Variants in DRC11 observed in about 807,000 individuals in gnomAD.
DRC11 encodes IQ and AAA domain-containing protein 1.
At chr2:236,481,236 G>A in the DRC11 span, among the ~76,000 whole-genome samples, 1 of 152,210 alleles carries the variant, frequency 6.6e-6, no homozygotes, top group Non-Finnish European at 1.5e-5. Context: ...TATCCTTACA[G>A]ATACTCATGA....
the DRC11 span, among the ~76,000 whole-genome samples, chr2:236,371,942 C>T: frequency 6.6e-6 from 1 of 152,140 alleles, no homozygotes; most frequent in African/African-American, 2.4e-5. This position sits in a 1 kb window ranked among gnomAD's most constrained non-coding sequence, Gnocchi z 5.1. Flanking sequence ...ATCTCTTTTA[C>T]ACAGATACCC....
chr2:236,405,214 T>TC, the DRC11 span, among the ~76,000 whole-genome samples: 2 of 152,134 alleles, frequency 1.3e-5, no homozygotes, highest in Non-Finnish European at 2.9e-5. The surrounding 1 kb of genome is among the most constrained non-coding windows in gnomAD (Gnocchi z 4.6). Flanking sequence ...TATTCATGCC[T>TC]CCGCCATTTT....
At chr2:236,503,479 C>T in the DRC11 span, among the ~76,000 whole-genome samples, 8 of 152,194 alleles carry the variant, frequency 5.3e-5, no homozygotes, top group South Asian at 1.7e-3. The surrounding 1 kb of genome is among the most constrained non-coding windows in gnomAD (Gnocchi z 4.9). Flanking sequence ...CAAAGACAGT[C>T]CTGGTGGCTT....
chr2:236,435,099 T>C, the DRC11 span, among the ~76,000 whole-genome samples: 2 of 152,150 alleles, frequency 1.3e-5, no homozygotes, highest in Non-Finnish European at 2.9e-5. Context: ...CCTGTGTGCT[T>C]AACTCTGAGG....
At chr2:236,435,615 G>A in the DRC11 span, among the ~76,000 whole-genome samples, 1 of 152,164 alleles carries the variant, frequency 6.6e-6, no homozygotes, top group African/African-American at 2.4e-5. Context: ...GAAAAAGAGA[G>A]AGCACAAAGG....
chr2:236,363,486 C>T, the DRC11 span, among the ~76,000 whole-genome samples: 5 of 151,976 alleles, frequency 3.3e-5, no homozygotes, highest in East Asian at 1.9e-4. This position sits in a 1 kb window ranked among gnomAD's most constrained non-coding sequence, Gnocchi z 5.6. Context: ...TGAGGTGGGC[C>T]GAGCAAAGAA....
chr2:236,448,928 C>T, the DRC11 span, among the ~76,000 whole-genome samples: 278 of 151,760 alleles, frequency 1.8e-3, 3 homozygotes, highest in African/African-American at 6.2e-3. This position sits in a 1 kb window ranked among gnomAD's most constrained non-coding sequence, Gnocchi z 5.3. Flanking sequence ...GGTGTGATCT[C>T]GGCTCACTGC....
At chr2:236,375,283 C>A in the DRC11 span, among the ~76,000 whole-genome samples, 2 of 152,084 alleles carry the variant, frequency 1.3e-5, no homozygotes, top group Admixed American at 6.5e-5. This position sits in a 1 kb window ranked among gnomAD's most constrained non-coding sequence, Gnocchi z 4.2. Flanking sequence ...TGAAAAAGTT[C>A]AGAAGGGATG....
At chr2:236,357,782 TTATA>T in the DRC11 span, among the ~76,000 whole-genome samples, 1 of 126,092 alleles carries the variant, frequency 7.9e-6, no homozygotes, top group Non-Finnish European at 1.5e-5. Context: ...TAAATATATG[TTATA>T]TATACATATA....
chr2:236,321,960 G>C, the DRC11 span, among the ~76,000 whole-genome samples: 1 of 152,120 alleles, frequency 6.6e-6, no homozygotes, highest in East Asian at 1.9e-4. Flanking sequence ...TGCTAAGATA[G>C]GGGAGCTAAA....
the DRC11 span, among the ~76,000 whole-genome samples, chr2:236,326,365 A>G: frequency 6.6e-6 from 1 of 152,094 alleles, no homozygotes; most frequent in South Asian, 2.1e-4. Context: ...CCCACCTTTG[A>G]TGGATCTTTG....
chr2:236,441,820 G>T, the DRC11 span, among the ~76,000 whole-genome samples: 1 of 152,094 alleles, frequency 6.6e-6, no homozygotes, highest in African/African-American at 2.4e-5. Context: ...GTTTAAAATG[G>T]CCCTTAAAAA....
the DRC11 span, chr2:236,441,257 G>A: frequency 4.6e-6 from 3 of 649,570 alleles, no homozygotes; most frequent in South Asian, 3.8e-5. Context: ...ATCAAGGGCT[G>A]GGCATGGTGT....
At chr2:236,378,037 C>T in the DRC11 span, among the ~76,000 whole-genome samples, 1 of 152,180 alleles carries the variant, frequency 6.6e-6, no homozygotes, top group African/African-American at 2.4e-5. Flanking sequence ...TTAGACAGTT[C>T]TTCTGACTGT....
the DRC11 span, among the ~76,000 whole-genome samples, chr2:236,326,792 T>TTGTGTG: frequency 2.1e-3 from 298 of 144,082 alleles, 1 homozygote; most frequent in East Asian, 6.3e-3. Flanking sequence ...TTCAGATTTG[T>TTGTGTG]TGTGTGTGTG....
chr2:236,465,406 T>C, the DRC11 span: 2 of 1,000,470 alleles, frequency 2.0e-6, no homozygotes, highest in Non-Finnish European at 3.0e-6. This position sits in a 1 kb window ranked among gnomAD's most constrained non-coding sequence, Gnocchi z 6.2. Flanking sequence ...CCGAGAAACC[T>C]CATGACTCTA....
At chr2:236,439,770 T>C in the DRC11 span, among the ~76,000 whole-genome samples, 2 of 152,218 alleles carry the variant, frequency 1.3e-5, no homozygotes, top group African/African-American at 4.8e-5. Context: ...ATAGCAACTA[T>C]TCTTTCTTGA....
At chr2:236,459,555 G>GTGTATACATACGTA in the DRC11 span, among the ~76,000 whole-genome samples, 1 of 119,044 alleles carries the variant, frequency 8.4e-6, no homozygotes, top group Admixed American at 8.2e-5. Context: ...ACGTATACAT[G>GTGTATACATACGTA]TATACGTATA....
chr2:236,436,273 T>C, the DRC11 span, among the ~76,000 whole-genome samples: 1 of 152,224 alleles, frequency 6.6e-6, no homozygotes, highest in Non-Finnish European at 1.5e-5. Flanking sequence ...CCCATTGTCA[T>C]ACATGTTGCA....
Sources: allele counts gnomAD v4.1 joint callset (sites outside exome capture counted in the v4.1 genomes callset), GRCh38; gene constraint gnomAD v4.1.1; non-coding constraint Gnocchi (gnomAD v3.1); transcripts MANE v1.5; gene names NCBI Gene and HGNC (gene_info 2026-07-23, HGNC 2026-07-21).